Variants in GDPD4 observed in about 807,000 individuals in gnomAD.
GDPD4 encodes glycerophosphodiester phosphodiesterase domain containing 4, also known as glycerophosphodiester phosphodiesterase 6.
GDPD4 carries 60 observed loss-of-function variants against 67.8 expected under a neutral mutation model. The observed-to-expected ratio is 0.88, with a 90% CI of 0.72 to 1.10. The LOEUF (loss-of-function observed/expected upper bound fraction) is 1.10. GDPD4 is among the 50% of genes least tolerant of loss of function. The probability of loss-of-function intolerance (pLI) is 0.00; values close to 1 mark genes in which losing one functional copy is unlikely to be tolerated. For synonymous variants in GDPD4, 212 were observed against 210.9 expected (o/e 1.00, Z -0.04); for missense variants, 623 against 613.9 (o/e 1.01, Z -0.16).
chr11:77,222,001 A>G (rs945924268), intron 16 of GDPD4, among the ~76,000 whole-genome samples: 5 of 152,020 alleles, frequency 3.3e-5, no homozygotes, highest in Admixed American at 1.3e-4. Context: ...GTCTCTTTTG[A>G]TCTTTGTTGG....
At chr11:77,286,638 T>G (rs1591578658) in intron 2 of GDPD4, among the ~76,000 whole-genome samples, 1 of 152,236 alleles carries the variant, frequency 6.6e-6, no homozygotes, top group East Asian at 1.9e-4. Context: ...CATTTCAGTG[T>G]GCTGATCATT....
At chr11:77,218,838 C>T (rs1026424535) in intron 16 of GDPD4, among the ~76,000 whole-genome samples, 55 of 26,120 alleles carry the variant, frequency 2.1e-3, no homozygotes, top group Non-Finnish European at 5.3e-3. Context: ...TGAATAGTGC[C>T]GCAATAAACA....
At chr11:77,298,959 TA>T (rs1270031486) in intron 1 of GDPD4, among the ~76,000 whole-genome samples, 1 of 152,064 alleles carries the variant, frequency 6.6e-6, no homozygotes, top group African/African-American at 2.4e-5. Flanking sequence ...TAGGGTTAAA[TA>T]AAACCCATCT....
At chr11:77,292,926 T>G (rs1487949935) in intron 1 of GDPD4, among the ~76,000 whole-genome samples, 2 of 152,128 alleles carry the variant, frequency 1.3e-5, no homozygotes, top group African/African-American at 4.8e-5. Context: ...TAGCCCTTTA[T>G]CTATCAAGTA....
At chr11:77,296,392 C>T (rs1399190210) in intron 1 of GDPD4, among the ~76,000 whole-genome samples, 2 of 150,076 alleles carry the variant, frequency 1.3e-5, no homozygotes, top group African/African-American at 4.9e-5. Flanking sequence ...GTGCTCTCGG[C>T]TCACTGCAAC....
At chr11:77,220,594 G>A (rs1198100204) in intron 16 of GDPD4, among the ~76,000 whole-genome samples, 1 of 152,186 alleles carries the variant, frequency 6.6e-6, no homozygotes, top group African/African-American at 2.4e-5. Context: ...ATGTGCTGCT[G>A]GATTCGGTTT....
intron 16 of GDPD4, among the ~76,000 whole-genome samples, chr11:77,225,977 C>T (rs918509452): frequency 6.6e-6 from 1 of 152,134 alleles, no homozygotes; most frequent in Admixed American, 6.5e-5. Context: ...CTTTCCAATG[C>T]CTTTTCTTTC....
chr11:77,228,076 T>C (rs1027979563), intron 15 of GDPD4, among the ~76,000 whole-genome samples, 160 bp from the exon 16 acceptor site: 7 of 152,162 alleles, frequency 4.6e-5, no homozygotes, highest in Non-Finnish European at 7.3e-5. Context: ...CTTCTACAGA[T>C]AAAAAGATTA....
rs774594681 is a variant in GDPD4, at chr11:77,258,549, C to G, written c.708-7G>C. 1 of 1,613,510 alleles carries G rather than the reference C, an allele frequency of 6.2e-7. No homozygotes were observed. Among genetic ancestry groups the G allele is most frequent in the Non-Finnish European group, 8.5e-7 (1 of 1,179,568 alleles). On this transcript the variant is annotated splice_region_variant and splice_polypyrimidine_tract_variant and intron_variant, in intron 10 of 16. Transcript: ENST00000315938. ...GAAAGGCACATGATCATAACTGAGG[C>G]AGAGGTAGAAAAGAAGGGCAGGGGT...
At chr11:77,250,144 C>G (rs1958861624) in intron 11 of GDPD4, among the ~76,000 whole-genome samples, 1 of 151,796 alleles carries the variant, frequency 6.6e-6, no homozygotes, top group Non-Finnish European at 1.5e-5. Context: ...GGTTTGTTAC[C>G]TGGGTATATT....
At chr11:77,227,977 C>T (rs1011544214) in intron 15 of GDPD4, 61 bp from the exon 16 acceptor site, 12 of 1,101,174 alleles carry the variant, frequency 1.1e-5, no homozygotes, top group African/African-American at 4.6e-5. Flanking sequence ...TCTCTTCTAA[C>T]GTTCCTCCTC....
chr11:77,222,127 G>T (rs1167459155), intron 16 of GDPD4, among the ~76,000 whole-genome samples: 2 of 152,142 alleles, frequency 1.3e-5, no homozygotes, highest in Non-Finnish European at 2.9e-5. Context: ...GTCTGCACTT[G>T]AGATGGGGCT....
intron 3 of GDPD4, among the ~76,000 whole-genome samples, chr11:77,283,379 T>C (rs1236661487): frequency 6.6e-6 from 1 of 152,146 alleles, no homozygotes; most frequent in Non-Finnish European, 1.5e-5. Flanking sequence ...CCACGCTATT[T>C]TTGCTGTCTT....
At chr11:77,268,095 T>C (rs566330461) in intron 10 of GDPD4, among the ~76,000 whole-genome samples, 1 of 152,252 alleles carries the variant, frequency 6.6e-6, no homozygotes, top group Admixed American at 6.5e-5. Context: ...TTCATTTGCA[T>C]TTCCCAAGCA....
chr11:77,223,196 G>C (rs890198823), intron 16 of GDPD4, among the ~76,000 whole-genome samples: 2 of 152,108 alleles, frequency 1.3e-5, no homozygotes, highest in African/African-American at 4.8e-5. Flanking sequence ...TGTTATTACC[G>C]ACCTTCTGAA....
intron 2 of GDPD4, among the ~76,000 whole-genome samples, chr11:77,285,785 T>C (rs1042795432): frequency 2.0e-5 from 3 of 152,206 alleles, no homozygotes; most frequent in Non-Finnish European, 4.4e-5. Flanking sequence ...GGTAAAATAA[T>C]TGATTCAAGA....
chr11:77,249,337 A>G (rs769448264), intron 11 of GDPD4, among the ~76,000 whole-genome samples: 1 of 152,052 alleles, frequency 6.6e-6, no homozygotes, highest in Non-Finnish European at 1.5e-5. Context: ...CTACAGACAA[A>G]TTGTTTTTCG....
intron 13 of GDPD4, among the ~76,000 whole-genome samples, chr11:77,236,016 A>G (rs1958559582): frequency 6.6e-6 from 1 of 152,072 alleles, no homozygotes; most frequent in African/African-American, 2.4e-5. Context: ...TGAGATACTA[A>G]AAAATGATTA....
chr11:77,221,429 A>G (rs1018121933), intron 16 of GDPD4, among the ~76,000 whole-genome samples: 1 of 151,810 alleles, frequency 6.6e-6, no homozygotes, highest in South Asian at 2.1e-4. Flanking sequence ...CTGGTATGTT[A>G]TGTCTTTTTT....
Sources: allele counts gnomAD v4.1 joint callset (sites outside exome capture counted in the v4.1 genomes callset), GRCh38; gene constraint gnomAD v4.1.1; transcripts MANE v1.5; gene names NCBI Gene and HGNC (gene_info 2026-07-23, HGNC 2026-07-21).